PLCB1: variants seen among roughly 807,000 people sequenced by gnomAD.
PLCB1 encodes phospholipase C beta 1, also known as 1-phosphatidylinositol 4,5-bisphosphate phosphodiesterase beta-1.
A neutral mutation model predicts 161.8 loss-of-function variants in PLCB1; 46 were observed. The observed-to-expected ratio is 0.28, with a 90% confidence interval of 0.22 to 0.36. The LOEUF (loss-of-function observed/expected upper bound fraction) is 0.36, where lower values mean the gene tolerates loss of function less well. Ranked by LOEUF, PLCB1 falls within the 10% of genes least tolerant of loss-of-function variation. PLCB1 has a pLI of 1.00. For synonymous variants in PLCB1, 517 were observed against 503.7 expected (o/e 1.03, Z -0.35); for missense variants, 1,016 against 1,472.5 (o/e 0.69, Z 5.07).
intron 3 of PLCB1, among the ~76,000 whole-genome samples, chr20:8,545,393 A>G (rs1263978499): frequency 3.3e-5 from 5 of 151,822 alleles, no homozygotes; most frequent in Non-Finnish European, 5.9e-5. Flanking sequence ...GAAATGGAAA[A>G]CCACTGGAGG....
chr20:8,748,250 A>G (rs1600295613), intron 23 of PLCB1, among the ~76,000 whole-genome samples: 1 of 152,198 alleles, frequency 6.6e-6, no homozygotes, highest in African/African-American at 2.4e-5. Flanking sequence ...CTTTCATTGG[A>G]TGCCTTGGAT....
chr20:8,635,036 A>G (rs776321426), intron 4 of PLCB1, among the ~76,000 whole-genome samples: 4 of 151,906 alleles, frequency 2.6e-5, no homozygotes, highest in Non-Finnish European at 4.4e-5. Context: ...GCTCTATCTC[A>G]TGACTTCCAT....
chr20:8,160,960 A>G (rs1176760906), intron 2 of PLCB1, among the ~76,000 whole-genome samples: 1 of 152,152 alleles, frequency 6.6e-6, no homozygotes, highest in Non-Finnish European at 1.5e-5. Flanking sequence ...GGACGTTGGT[A>G]CCTATTATAA....
At chr20:8,609,302 C>T (rs1276611374) in intron 3 of PLCB1, among the ~76,000 whole-genome samples, 1 of 152,132 alleles carries the variant, frequency 6.6e-6, no homozygotes, top group Admixed American at 6.5e-5. Context: ...CCCAAAAATA[C>T]AAGACATGGT....
intron 3 of PLCB1, among the ~76,000 whole-genome samples, chr20:8,490,016 A>C (rs752803265): frequency 6.6e-6 from 1 of 152,198 alleles, no homozygotes; most frequent in Admixed American, 6.5e-5. Flanking sequence ...GAAGGAATCC[A>C]GGTAGAATAC....
At chr20:8,337,600 T>C (rs577695744) in intron 2 of PLCB1, among the ~76,000 whole-genome samples, 1 of 152,326 alleles carries the variant, frequency 6.6e-6, no homozygotes, top group African/African-American at 2.4e-5. Flanking sequence ...AAATAGGCCT[T>C]AAAATCGCAC....
At chr20:8,626,922 G>A (rs755721059) in intron 3 of PLCB1, among the ~76,000 whole-genome samples, 2 of 152,068 alleles carry the variant, frequency 1.3e-5, no homozygotes, top group Non-Finnish European at 2.9e-5. Context: ...TTAATCTTTC[G>A]TTAATGGTAG....
rs869173548 is a variant in PLCB1 at position 8,495,388 on chromosome 20, C to CTTTTTTTTT, written c.246+123957_246+123965dup. 3.3e-3 allele frequency among the ~76,000 whole-genome samples: 312 copies of CTTTTTTTTT among 94,334 alleles called. 38 individuals are homozygous for CTTTTTTTTT. Among genetic ancestry groups the CTTTTTTTTT allele is most frequent in the African/African-American group, 0.013 (293 of 22,196 alleles). The allele number at this position is 94,334 out of a possible 152,430, so 61.9% of individuals were successfully genotyped here. A position where few individuals can be genotyped will look rare whatever the true frequency, so the allele number is the denominator to read the frequency against. ...TGTGGACTTTGCCTTACCTTCCTTT[C>CTTTTTTTTT]TTTTTTTTTTTTTTTTTTTTTTTTT... On this transcript the variant is annotated intron_variant, in intron 3 of 31. Transcript: ENST00000338037.
intron 19 of PLCB1, among the ~76,000 whole-genome samples, chr20:8,733,650 G>A (rs571450353): frequency 8.7e-5 from 13 of 149,728 alleles, no homozygotes; most frequent in Middle Eastern, 6.8e-3. Flanking sequence ...GGGGTGGGGG[G>A]AGCGGGGAGG....
At chr20:8,220,024 T>C (rs1313133665) in intron 2 of PLCB1, among the ~76,000 whole-genome samples, 1 of 152,138 alleles carries the variant, frequency 6.6e-6, no homozygotes, top group Non-Finnish European at 1.5e-5. Context: ...CAATACATCT[T>C]TGATAAATGA....
At chr20:8,436,077 G>A (rs1015111982) in intron 3 of PLCB1, among the ~76,000 whole-genome samples, 5 of 152,130 alleles carry the variant, frequency 3.3e-5, no homozygotes, top group Admixed American at 6.5e-5. Flanking sequence ...AGTGGCTCAC[G>A]CCTGTAATCC....
At chr20:8,805,573 CAA>C (rs1488442062) in intron 31 of PLCB1, among the ~76,000 whole-genome samples, 1 of 152,156 alleles carries the variant, frequency 6.6e-6, no homozygotes, top group African/African-American at 2.4e-5. Flanking sequence ...ATACTAAAAA[CAA>C]AAATTAGCAT....
At chr20:8,155,446 C>G (rs2051549239) in intron 2 of PLCB1, among the ~76,000 whole-genome samples, 1 of 152,100 alleles carries the variant, frequency 6.6e-6, no homozygotes, top group Admixed American at 6.6e-5. Flanking sequence ...TTATGATAAC[C>G]TTAAATTTCT....
chr20:8,502,120 T>C (rs1346378087), intron 3 of PLCB1, among the ~76,000 whole-genome samples: 1 of 151,942 alleles, frequency 6.6e-6, no homozygotes, highest in Non-Finnish European at 1.5e-5. Context: ...TTAATGTATA[T>C]AATGACTATT....
At chr20:8,649,325 G>C in intron 6 of PLCB1, 49 bp from the exon 7 acceptor site, 1 of 1,189,502 alleles carries the variant, frequency 8.4e-7, no homozygotes, top group Non-Finnish European at 1.3e-6. Context: ...TTAGTGCTGT[G>C]ATCCATGTGC....
intron 31 of PLCB1, among the ~76,000 whole-genome samples, chr20:8,856,829 A>C (rs1486219899): frequency 6.6e-6 from 1 of 152,226 alleles, no homozygotes; most frequent in Non-Finnish European, 1.5e-5. Flanking sequence ...TCCTAAGTCC[A>C]TGAATTTGTT....
chr20:8,280,543 G>T (rs1392848318), intron 2 of PLCB1, among the ~76,000 whole-genome samples: 1 of 152,016 alleles, frequency 6.6e-6, no homozygotes, highest in Non-Finnish European at 1.5e-5. Context: ...TCAAATGACT[G>T]CAAGAAATTT....
chr20:8,802,875 C>T (rs75258221), intron 31 of PLCB1, among the ~76,000 whole-genome samples: 4,068 of 152,268 alleles, frequency 0.027, 170 homozygotes, highest in African/African-American at 0.093. Flanking sequence ...ATTATATTCC[C>T]TTCACTAATA....
chr20:8,559,987 G>A (rs1250686122), intron 3 of PLCB1, among the ~76,000 whole-genome samples: 5 of 151,928 alleles, frequency 3.3e-5, no homozygotes, highest in Non-Finnish European at 7.4e-5. Context: ...GACAAGCCCT[G>A]TGCTAAGTTC....
Sources: gnomAD v4.1 joint callset for allele counts (sites outside exome capture counted in the v4.1 genomes callset) on GRCh38, gnomAD v4.1.1 for gene constraint, MANE v1.5 for transcripts, NCBI Gene and HGNC (gene_info 2026-07-23, HGNC 2026-07-21) for gene names.